Variants in NKAIN2 observed in about 807,000 individuals in gnomAD.
The protein encoded by NKAIN2 is sodium/potassium-transporting ATPase subunit beta-1-interacting protein 2.
In NKAIN2, 14 loss-of-function variants were observed where a neutral mutation model predicts 32.6. That is an observed-to-expected ratio of 0.43 (90% CI 0.28 to 0.67). NKAIN2 has a LOEUF of 0.67. NKAIN2 is among the 30% of genes least tolerant of loss of function. The probability of loss-of-function intolerance (pLI) is 0.17; values close to 1 mark genes in which losing one functional copy is unlikely to be tolerated. For synonymous variants in NKAIN2, 80 were observed against 87.2 expected, an observed-to-expected ratio of 0.92 and a Z score of 0.46; for missense variants, 198 against 258.3, an observed-to-expected ratio of 0.77 and a Z score of 1.60.
chr6:123,916,007 T>G (rs1775475364), intron 1 of NKAIN2, among the ~76,000 whole-genome samples: 1 of 152,190 alleles, frequency 6.6e-6, no homozygotes, highest in Non-Finnish European at 1.5e-5. Context: ...TCTTGAGGCT[T>G]AATTTCCCAA....
chr6:123,811,030 A>T (rs949908918), intron 1 of NKAIN2, among the ~76,000 whole-genome samples: 2 of 152,154 alleles, frequency 1.3e-5, no homozygotes, highest in African/African-American at 4.8e-5. Context: ...ACTGATGTTG[A>T]TGATCAGGCA....
chr6:124,128,003 A>T (rs1439463710), intron 1 of NKAIN2, among the ~76,000 whole-genome samples: 1 of 151,912 alleles, frequency 6.6e-6, no homozygotes, highest in African/African-American at 2.4e-5. Flanking sequence ...ATTTTTTTGT[A>T]TTTTTTGTAG....
At chr6:124,614,992 G>A (rs6906627) in intron 3 of NKAIN2, among the ~76,000 whole-genome samples, 28,026 of 152,014 alleles carry the variant, frequency 0.18, 2,780 homozygotes, top group Middle Eastern at 0.24. Context: ...CAGTGTCTTC[G>A]GTCCATCTTC....
At chr6:124,083,129 C>T (rs1452213908) in intron 1 of NKAIN2, among the ~76,000 whole-genome samples, 4 of 151,720 alleles carry the variant, frequency 2.6e-5, no homozygotes, top group African/African-American at 4.8e-5. Flanking sequence ...TGTTTGTATA[C>T]AAAATATTTA....
chr6:124,724,980 A>G (rs1469877827), intron 4 of NKAIN2, among the ~76,000 whole-genome samples: 4 of 152,212 alleles, frequency 2.6e-5, no homozygotes, highest in Admixed American at 2.6e-4. Flanking sequence ...ATCTCATAAA[A>G]TTACAATGAT....
chr6:124,530,331 T>A (rs1562240515), intron 3 of NKAIN2, among the ~76,000 whole-genome samples: 1 of 152,200 alleles, frequency 6.6e-6, no homozygotes. Context: ...ATATATTTAC[T>A]ATTCGCTAAG....
intron 3 of NKAIN2, among the ~76,000 whole-genome samples, chr6:124,531,683 G>T (rs1342617727): frequency 6.6e-6 from 1 of 152,018 alleles, no homozygotes; most frequent in Non-Finnish European, 1.5e-5. Flanking sequence ...CTTTCTTTCT[G>T]TTTTTTTCCA....
chr6:124,049,770 C>T (rs537479173), intron 1 of NKAIN2, among the ~76,000 whole-genome samples: 1 of 152,100 alleles, frequency 6.6e-6, no homozygotes, highest in Non-Finnish European at 1.5e-5. Flanking sequence ...GCCACATAGT[C>T]GCTGCTCAAG....
intron 1 of NKAIN2, among the ~76,000 whole-genome samples, chr6:124,048,134 C>T (rs1782229570): frequency 6.6e-6 from 1 of 152,164 alleles, no homozygotes; most frequent in Admixed American, 6.6e-5. Flanking sequence ...CTCCTCCCAT[C>T]CTGCTGAGCC....
intron 1 of NKAIN2, among the ~76,000 whole-genome samples, chr6:123,948,260 T>G (rs1293790915): frequency 1.3e-5 from 2 of 152,220 alleles, no homozygotes; most frequent in Admixed American, 6.6e-5. Context: ...GATAAACTGA[T>G]TTCTTTTCCA....
chr6:124,315,947 A>G (rs1236482200), intron 2 of NKAIN2, among the ~76,000 whole-genome samples: 1 of 152,116 alleles, frequency 6.6e-6, no homozygotes, highest in Non-Finnish European at 1.5e-5. Flanking sequence ...AAGATGGGTG[A>G]ATCTTTTTCC....
chr6:124,026,460 T>A (rs1419604586), intron 1 of NKAIN2, among the ~76,000 whole-genome samples: 1 of 152,164 alleles, frequency 6.6e-6, no homozygotes, highest in Non-Finnish European at 1.5e-5. Flanking sequence ...CCTTTTATCA[T>A]CAGTAAGCTA....
chr6:124,710,907 T>G (rs1280372409), intron 4 of NKAIN2, among the ~76,000 whole-genome samples: 1 of 151,704 alleles, frequency 6.6e-6, no homozygotes, highest in African/African-American at 2.4e-5. Flanking sequence ...CGTTAGTTGA[T>G]GCAGTTTCTT....
At chr6:124,131,279 AG>A (rs1786463503) in intron 1 of NKAIN2, among the ~76,000 whole-genome samples, 1 of 152,040 alleles carries the variant, frequency 6.6e-6, no homozygotes, top group African/African-American at 2.4e-5. Context: ...TCAGTAGCTA[AG>A]ACTATAGGTG....
chr6:124,251,217 T>C (rs1793679151), intron 1 of NKAIN2, among the ~76,000 whole-genome samples: 2 of 152,006 alleles, frequency 1.3e-5, no homozygotes, highest in Non-Finnish European at 1.5e-5. Flanking sequence ...AGAAAAAGAT[T>C]TTTGGATTAG....
intron 3 of NKAIN2, among the ~76,000 whole-genome samples, chr6:124,641,530 CTTTTTTTTTTTTTTTTTTT>C (rs755033671): frequency 2.8e-3 from 55 of 19,532 alleles, no homozygotes; most frequent in African/African-American, 5.1e-3. Context: ...AAAACACTAG[CTTTTTTTTTTTTTTTTTTT>C]TTTTTTTTTT....
At chr6:124,383,924 C>G (rs963600845) in intron 3 of NKAIN2, among the ~76,000 whole-genome samples, 1 of 152,154 alleles carries the variant, frequency 6.6e-6, no homozygotes, top group Non-Finnish European at 1.5e-5. Context: ...CTCTGACTCT[C>G]AGTCTCTCCA....
At chr6:124,129,275 A>G (rs1017965606) in intron 1 of NKAIN2, among the ~76,000 whole-genome samples, 7 of 152,186 alleles carry the variant, frequency 4.6e-5, no homozygotes, top group African/African-American at 1.7e-4. Flanking sequence ...GGGAAGAAGG[A>G]AGGGAAAGAA....
intron 1 of NKAIN2, among the ~76,000 whole-genome samples, chr6:124,061,692 A>G (rs929775876): frequency 2.0e-5 from 3 of 151,950 alleles, no homozygotes; most frequent in Non-Finnish European, 4.4e-5. Context: ...GTCTGTTTTT[A>G]GAGTACTCAT....
Sources: allele counts gnomAD v4.1 joint callset (sites outside exome capture counted in the v4.1 genomes callset), GRCh38; gene constraint gnomAD v4.1.1; transcripts MANE v1.5; gene names NCBI Gene and HGNC (gene_info 2026-07-23, HGNC 2026-07-21).